The following ERC2 variants were observed in gnomAD, a reference collection of about 807,000 sequenced individuals.
The protein encoded by ERC2 is ERC protein 2.
A neutral mutation model predicts 114.8 loss-of-function variants in ERC2; 42 were observed. The ratio of observed to expected loss-of-function variants is 0.37; its 90% CI spans 0.29 to 0.47. ERC2 has a LOEUF of 0.47. Among genes scored for constraint, ERC2 ranks in the 20% least tolerant of loss-of-function variants. The pLI, the probability that ERC2 is intolerant of heterozygous loss-of-function variation, is 0.99. For synonymous variants in ERC2, 454 were observed against 425.5 expected, an observed-to-expected ratio of 1.07 and a Z score of -0.82; for missense variants, 939 against 1,150.7, an observed-to-expected ratio of 0.82 and a Z score of 2.66.
intron 7 of ERC2, among the ~76,000 whole-genome samples, chr3:56,055,404 C>CT (rs1279126507): frequency 6.6e-6 from 1 of 152,076 alleles, no homozygotes; most frequent in East Asian, 1.9e-4. Flanking sequence ...AGTGATATCA[C>CT]TTTTTTTTCA....
intron 2 of ERC2, among the ~76,000 whole-genome samples, chr3:56,313,745 T>G (rs2056732974): frequency 6.6e-6 from 1 of 152,188 alleles, no homozygotes; most frequent in Non-Finnish European, 1.5e-5. Context: ...TTGGGCCAAG[T>G]GTCTTCCAAG....
At chr3:56,122,606 T>G (rs574021291) in intron 6 of ERC2, among the ~76,000 whole-genome samples, 1 of 152,194 alleles carries the variant, frequency 6.6e-6, no homozygotes, top group Non-Finnish European at 1.5e-5. Context: ...CAGGTTGTGG[T>G]GAGTAGAGAC....
chr3:56,421,493 A>G (rs2061386384), intron 2 of ERC2, among the ~76,000 whole-genome samples: 1 of 152,248 alleles, frequency 6.6e-6, no homozygotes, highest in African/African-American at 2.4e-5. Context: ...AAGCTAGGTC[A>G]ATTGGATTAT....
At chr3:55,653,602 TG>T (rs2060736147) in intron 17 of ERC2, among the ~76,000 whole-genome samples, 1 of 135,620 alleles carries the variant, frequency 7.4e-6, no homozygotes, top group Non-Finnish European at 1.6e-5. Flanking sequence ...TGTGTGTGTG[TG>T]TGTGTGTGTG....
At chr3:56,134,876 G>C (rs1252157087) in intron 6 of ERC2, among the ~76,000 whole-genome samples, 1 of 151,758 alleles carries the variant, frequency 6.6e-6, no homozygotes, top group Non-Finnish European at 1.5e-5. Flanking sequence ...TTGGAGAAAA[G>C]TATACTTGCC....
chr3:56,032,901 C>A (rs13085022), intron 7 of ERC2, among the ~76,000 whole-genome samples: 3,263 of 36,186 alleles, frequency 0.09, 310 homozygotes, highest in East Asian at 0.13. Context: ...GAGAGAGAGA[C>A]AGAAAGAAAG....
At chr3:55,762,536 AT>A (rs1370083436) in intron 14 of ERC2, among the ~76,000 whole-genome samples, 3 of 152,118 alleles carry the variant, frequency 2.0e-5, no homozygotes, top group African/African-American at 7.2e-5. Context: ...CCTTATTTTT[AT>A]TTTTTTTAAA....
chr3:56,044,228 G>T (rs1013657446), intron 7 of ERC2, among the ~76,000 whole-genome samples: 1 of 152,122 alleles, frequency 6.6e-6, no homozygotes, highest in Non-Finnish European at 1.5e-5. Flanking sequence ...GGGAGAATTC[G>T]TTTTGGGAAA....
chr3:55,555,066 G>A (rs2055504434), intron 17 of ERC2, among the ~76,000 whole-genome samples: 1 of 152,132 alleles, frequency 6.6e-6, no homozygotes, highest in South Asian at 2.1e-4. Context: ...AGCACCGAGA[G>A]CAGTGGAAAC....
intron 17 of ERC2, among the ~76,000 whole-genome samples, chr3:55,634,878 C>T (rs998903512): frequency 2.2e-5 from 3 of 136,724 alleles, no homozygotes; most frequent in South Asian, 5.0e-4. Flanking sequence ...AAACCTGTCT[C>T]ACTTTATTAT....
intron 6 of ERC2, among the ~76,000 whole-genome samples, chr3:56,081,193 T>A (rs201559636): frequency 4.6e-5 from 7 of 150,588 alleles, no homozygotes; most frequent in East Asian, 3.9e-4. Flanking sequence ...AGTGATACTT[T>A]AAAAAAAAAA....
chr3:55,632,642 A>G (rs1360821573), intron 17 of ERC2, among the ~76,000 whole-genome samples: 1 of 152,184 alleles, frequency 6.6e-6, no homozygotes, highest in Non-Finnish European at 1.5e-5. Flanking sequence ...TTGCAGTCCT[A>G]ATCTAGAACT....
intron 12 of ERC2, among the ~76,000 whole-genome samples, chr3:55,961,624 A>T (rs2068371767): frequency 6.6e-6 from 1 of 152,032 alleles, no homozygotes; most frequent in African/African-American, 2.4e-5. Flanking sequence ...AATTTAATTT[A>T]ATTTATTTCT....
At chr3:55,699,552 C>T in intron 15 of ERC2, 40 bp from the exon 16 acceptor site, 4 of 1,568,370 alleles carry the variant, frequency 2.6e-6, no homozygotes, top group Non-Finnish European at 3.5e-6. Flanking sequence ...CATCAGGAGC[C>T]AGAAGATCAG....
rs2083755540 is a variant in ERC2 at position 56,188,266 on chromosome 3, T to C, written c.1075-14746A>G. Among the ~76,000 whole-genome samples, 5 of 152,222 alleles carry C rather than the reference T, an allele frequency of 3.3e-5. No individual in the cohort carries two copies. The South Asian group carries it at 1.0e-3, about 32-fold the overall frequency. On this transcript the variant is annotated intron_variant, in intron 3 of 17. Coordinates refer to ENST00000288221, the MANE Select transcript of ERC2 (RefSeq NM_015576.3). ...GTTGCCCTCAGGAGCCACCCAAACA[T>C]CATTCCACATTCCTGGATCTTTACA...
chr3:55,698,512 C>G (rs937884557), intron 16 of ERC2, among the ~76,000 whole-genome samples: 91 of 152,140 alleles, frequency 6.0e-4, no homozygotes, highest in African/African-American at 2.1e-3. Context: ...ATTCTGACAA[C>G]CCCTCACCCT....
intron 12 of ERC2, among the ~76,000 whole-genome samples, chr3:55,982,958 C>G (rs527258603): frequency 6.6e-6 from 1 of 152,224 alleles, no homozygotes; most frequent in East Asian, 1.9e-4. Flanking sequence ...TCTATAATAA[C>G]GAGCTCACGC....
intron 1 of ERC2, among the ~76,000 whole-genome samples, chr3:56,437,347 A>T (rs1276826273): frequency 6.6e-6 from 1 of 152,252 alleles, no homozygotes; most frequent in Non-Finnish European, 1.5e-5. Flanking sequence ...GGCATGAGCG[A>T]GCCCAGCTGA....
At chr3:56,065,276 C>T (rs2076418356) in intron 7 of ERC2, among the ~76,000 whole-genome samples, 2 of 151,852 alleles carry the variant, frequency 1.3e-5, no homozygotes, top group Non-Finnish European at 2.9e-5. Flanking sequence ...CAGGCTTCAG[C>T]GAGTGTCATG....
Sources: allele counts gnomAD v4.1 joint callset (sites outside exome capture counted in the v4.1 genomes callset), GRCh38; gene constraint gnomAD v4.1.1; transcripts MANE v1.5; gene names NCBI Gene and HGNC (gene_info 2026-07-23, HGNC 2026-07-21).